Variants in CHODL observed in about 807,000 individuals in gnomAD.
The protein encoded by CHODL is transmembrane protein MT75.
Under a neutral mutation model 34.5 loss-of-function variants are expected in CHODL, and 29 were observed. The observed-to-expected ratio is 0.84, with a 90% CI of 0.63 to 1.15. CHODL has a LOEUF of 1.15. Ranked by LOEUF, CHODL falls within the 50% of genes most tolerant of loss-of-function variation. The pLI, the probability that CHODL is intolerant of heterozygous loss-of-function variation, is 0.00. For synonymous variants in CHODL, 125 were observed against 116.1 expected, an observed-to-expected ratio of 1.08 and a Z score of -0.49; for missense variants, 332 against 332.5, an observed-to-expected ratio of 1.00 and a Z score of 0.01.
At chr21:17,996,243 A>G (rs1006973169) in intron 1 of CHODL, among the ~76,000 whole-genome samples, 5 of 152,190 alleles carry the variant, frequency 3.3e-5, no homozygotes, top group African/African-American at 7.2e-5. Flanking sequence ...TGAAGTTTCA[A>G]TGTAAATTAT....
intron 1 of CHODL, among the ~76,000 whole-genome samples, chr21:17,998,834 G>T (rs989861203): frequency 1.3e-5 from 2 of 152,220 alleles, no homozygotes; most frequent in African/African-American, 2.4e-5. Flanking sequence ...CTCCAGGCCT[G>T]TAATGTGAGG....
chr21:18,164,827 G>T (rs907420870), intron 2 of CHODL, among the ~76,000 whole-genome samples: 1 of 152,166 alleles, frequency 6.6e-6, no homozygotes, highest in Non-Finnish European at 1.5e-5. Flanking sequence ...GTGTGTCCCA[G>T]TTCTTCTCAC....
rs1018475817 is a variant in CHODL at position 18,212,189 on chromosome 21, C to G, written c.-44-44320C>G. 5.0e-4 allele frequency among the ~76,000 whole-genome samples: 76 copies of G among 152,126 alleles called. 1 individual carries two copies. The highest frequency in any genetic ancestry group is 1.8e-3 in the African/African-American group (75 of 41,534). ...TGTTTATTGTTGAAAAAAATCCAAT[C>G]GATATCAGTCTGAATGTTAACGAAT... On this transcript the variant is annotated intron_variant, in intron 2 of 6. Transcript: ENST00000400127.
At chr21:18,207,466 T>C (rs188338154) in intron 2 of CHODL, among the ~76,000 whole-genome samples, 38 of 152,298 alleles carry the variant, frequency 2.5e-4, no homozygotes, top group African/African-American at 8.4e-4. Context: ...TTTTAGTGTT[T>C]CTACTTAAGA....
intron 2 of CHODL, among the ~76,000 whole-genome samples, chr21:18,095,030 A>C (rs994125507): frequency 6.6e-6 from 1 of 152,074 alleles, no homozygotes; most frequent in Non-Finnish European, 1.5e-5. Flanking sequence ...AGGCTGAGGC[A>C]GGAGAATCAC....
At chr21:17,927,068 ATATGTATATCTGTGTGTATG>A (rs983676868) in intron 1 of CHODL, among the ~76,000 whole-genome samples, 5 of 150,534 alleles carry the variant, frequency 3.3e-5, no homozygotes, top group African/African-American at 1.2e-4. Context: ...ATATGTATGT[ATATGTATATCTGTGTGTATG>A]TATGTATATC....
intron 1 of CHODL, among the ~76,000 whole-genome samples, chr21:17,978,121 AC>A (rs1016417041): frequency 9.9e-5 from 15 of 151,894 alleles, no homozygotes; most frequent in African/African-American, 3.6e-4. Flanking sequence ...ACTGGGTATT[AC>A]CAAGCCAAAA....
intron 1 of CHODL, among the ~76,000 whole-genome samples, chr21:17,939,035 A>C (rs1031544425): frequency 6.6e-6 from 1 of 152,236 alleles, no homozygotes; most frequent in Non-Finnish European, 1.5e-5. Context: ...TTGAAAATGC[A>C]AACACATTAA....
rs2074397332 is a variant in CHODL at position 18,262,723 on chromosome 21, C to T, written c.635-68C>T. ...TTTCACCTGAATTTTTTGAAACATT[C>T]TTACATATTTTTGCTTTAGAATTCT... On this transcript the variant is annotated intron_variant, in intron 4 of 5. Transcript: ENST00000299295. 4.0e-5 allele frequency: 35 copies of T among 875,196 alleles called. 1 individual carries two copies. The South Asian group carries it at 5.2e-4, about 13-fold the overall frequency. The allele number at this position is 875,196 out of a possible 1,614,324, so 54.2% of individuals were successfully genotyped here.
At chr21:17,953,919 A>T (rs1375538592) in intron 1 of CHODL, among the ~76,000 whole-genome samples, 1 of 152,140 alleles carries the variant, frequency 6.6e-6, no homozygotes. Flanking sequence ...CTGAGGCAGG[A>T]CAATCACTTG....
chr21:18,196,084 T>C (rs1385429855), intron 2 of CHODL, among the ~76,000 whole-genome samples: 1 of 152,224 alleles, frequency 6.6e-6, no homozygotes, highest in East Asian at 1.9e-4. Context: ...TTTCCAGCTC[T>C]ACATATGTAC....
At chr21:18,101,171 T>C (rs1234470361) in intron 2 of CHODL, among the ~76,000 whole-genome samples, 6 of 143,196 alleles carry the variant, frequency 4.2e-5, no homozygotes, top group African/African-American at 1.3e-4. Flanking sequence ...TGATGGTTTT[T>C]AAAAACGGGA....
chr21:18,227,509 G>C lies in CHODL; in HGVS notation c.-44-29000G>C, dbSNP rs549493622. ...CTTGTCTATGTAATACTCATATGAA[G>C]AAGACAAACATGATCATTAAACTAG... On this transcript the variant is annotated intron_variant, in intron 2 of 6. Transcript: ENST00000400127. 2.6e-5 allele frequency among the ~76,000 whole-genome samples: 4 copies of C among 152,188 alleles called. No individual in the cohort carries two copies. The South Asian group carries it at 8.3e-4, about 32-fold the overall frequency.
intron 1 of CHODL, among the ~76,000 whole-genome samples, chr21:17,957,449 T>C (rs1183095307): frequency 1.3e-5 from 2 of 152,182 alleles, no homozygotes; most frequent in Non-Finnish European, 2.9e-5. Context: ...TTCACCTCTA[T>C]TCTCCTCCAT....
intron 2 of CHODL, among the ~76,000 whole-genome samples, chr21:18,040,212 G>A (rs2064358620): frequency 6.6e-6 from 1 of 151,834 alleles, no homozygotes; most frequent in Admixed American, 6.6e-5. Flanking sequence ...AAAAGACTCA[G>A]AACACTTTAT....
At chr21:17,936,444 A>G (rs1207531264) in intron 1 of CHODL, among the ~76,000 whole-genome samples, 5 of 149,922 alleles carry the variant, frequency 3.3e-5, no homozygotes, top group Non-Finnish European at 7.4e-5. Flanking sequence ...TATGAAATTA[A>G]AGATAGTATA....
intron 2 of CHODL, among the ~76,000 whole-genome samples, chr21:18,216,883 A>G (rs2073835124): frequency 6.6e-6 from 1 of 152,160 alleles, no homozygotes; most frequent in Non-Finnish European, 1.5e-5. Flanking sequence ...AACCGCCCCC[A>G]TGATCCCATC....
At chr21:18,236,932 G>A (rs1378689619) in intron 2 of CHODL, among the ~76,000 whole-genome samples, 1 of 152,026 alleles carries the variant, frequency 6.6e-6, no homozygotes, top group Non-Finnish European at 1.5e-5. Flanking sequence ...TAGGCATGGA[G>A]GATACAGAAT....
At chr21:18,074,598 G>A (rs1240633562) in intron 2 of CHODL, among the ~76,000 whole-genome samples, 1 of 152,126 alleles carries the variant, frequency 6.6e-6, no homozygotes, top group African/African-American at 2.4e-5. Flanking sequence ...TACTTGAAGA[G>A]GAACTTGTGG....
Sources: gnomAD v4.1 joint callset for allele counts (sites outside exome capture counted in the v4.1 genomes callset) on GRCh38, gnomAD v4.1.1 for gene constraint, MANE v1.5 for transcripts, NCBI Gene and HGNC (gene_info 2026-07-23, HGNC 2026-07-21) for gene names.